Variants in SPSB1 observed in about 807,000 individuals in gnomAD.
SPSB1 encodes splA/ryanodine receptor domain and SOCS box containing 1.
SPSB1 carries 8 observed loss-of-function variants against 21.2 expected under a neutral mutation model. The observed-to-expected ratio is 0.38, with a 90% confidence interval of 0.22 to 0.68. The LOEUF (loss-of-function observed/expected upper bound fraction) is 0.68, where lower values mean the gene tolerates loss of function less well. Among genes scored for constraint, SPSB1 ranks in the 30% least tolerant of loss-of-function variants. The probability of loss-of-function intolerance (pLI) is 0.53; values close to 1 mark genes in which losing one functional copy is unlikely to be tolerated. For missense variants in SPSB1, 242 were observed against 377.8 expected (o/e 0.64, Z 2.98); for synonymous variants, 169 against 161.7 (o/e 1.05, Z -0.34).
chr1:9,356,846 ATTGG>A lies in SPSB1; in HGVS notation c.694+266_694+269del, dbSNP rs755616113. Among the ~76,000 whole-genome samples the A allele has an allele frequency of 7.2e-5, 11 of 152,088 alleles. No individual in the cohort carries two copies. In the East Asian group the frequency reaches 1.5e-3, roughly 21 times the overall value. Reference sequence around the variant, plus strand: ...TGATGAATGAATAGATGGATGAATGATTGGTTGGATGGATGGATGATGAATAGAT... The same window carrying A: ...TGATGAATGAATAGATGGATGAATGATTGGATGGATGGATGATGAATAGAT... On this transcript the variant is annotated intron_variant, in intron 2 of 2. Coordinates refer to ENST00000328089, the MANE Select transcript of SPSB1 (RefSeq NM_025106.4). This position sits in a 1 kb window ranked among gnomAD's most constrained non-coding sequence, Gnocchi z 7.4.
chr1:9,295,358 C>A (rs1183676619), intron 1 of SPSB1, among the ~76,000 whole-genome samples: 1 of 152,184 alleles, frequency 6.6e-6, no homozygotes, highest in East Asian at 1.9e-4. Context: ...AGCATGTTGG[C>A]CCCAGTGGCT....
intron 1 of SPSB1, among the ~76,000 whole-genome samples, chr1:9,334,682 C>T (rs1639976712): frequency 6.6e-6 from 1 of 152,128 alleles, no homozygotes; most frequent in Non-Finnish European, 1.5e-5. Context: ...CTCCCCGGAG[C>T]TCCTGGCACT....
chr1:9,300,985 G>A (rs899340654), intron 1 of SPSB1, among the ~76,000 whole-genome samples: 7 of 152,254 alleles, frequency 4.6e-5, no homozygotes, highest in African/African-American at 1.7e-4. Context: ...CAGCACTATA[G>A]CCCCTTGCTG....
chr1:9,319,748 G>A (rs1341541537), intron 1 of SPSB1, among the ~76,000 whole-genome samples: 1 of 152,216 alleles, frequency 6.6e-6, no homozygotes, highest in African/African-American at 2.4e-5. Flanking sequence ...TGAAGGGAGG[G>A]TACTACAGGG....
At chr1:9,365,442 G>A (rs1429932776) in intron 2 of SPSB1, among the ~76,000 whole-genome samples, 1 of 152,124 alleles carries the variant, frequency 6.6e-6, no homozygotes, top group African/African-American at 2.4e-5. Flanking sequence ...TAAAGCTTGG[G>A]GTTTAGTAAA....
intron 1 of SPSB1, among the ~76,000 whole-genome samples, chr1:9,334,147 G>T (rs558215673): frequency 1.5e-4 from 23 of 152,236 alleles, no homozygotes; most frequent in African/African-American, 5.3e-4. Context: ...GTGCGGTGGT[G>T]CGATCTCGGC....
chr1:9,309,257 C>T (rs192130846), intron 1 of SPSB1, among the ~76,000 whole-genome samples: 15 of 149,562 alleles, frequency 1.0e-4, no homozygotes, highest in African/African-American at 3.8e-4. Flanking sequence ...GTGTGCTCCC[C>T]TGCGGAGAGA....
chr1:9,306,804 G>A (rs561125816), intron 1 of SPSB1, among the ~76,000 whole-genome samples: 1 of 152,320 alleles, frequency 6.6e-6, no homozygotes, highest in South Asian at 2.1e-4. Context: ...AGGTAATGGG[G>A]ATTGGTGTCT....
rs901515119 is a variant in SPSB1 at position 9,324,481 on chromosome 1, C to T, written c.-149-31262C>T. Among the ~76,000 whole-genome samples, 1 of 146,946 alleles carries T rather than the reference C, an allele frequency of 6.8e-6. No individual in the cohort carries two copies. Among genetic ancestry groups the T allele is most frequent in the African/African-American group, 2.5e-5 (1 of 40,464 alleles). The stretch of plus-strand genomic sequence containing the variant: ...CTCCATGGTGTCTCTCTGTGCCCAG[C>T]CTCTGGAGGGTCGGCTCGGAGGGCT... On this transcript the variant is annotated intron_variant, in intron 1 of 2. Coordinates refer to ENST00000328089, the MANE Select transcript of SPSB1 (RefSeq NM_025106.4). This position sits in a 1 kb window ranked among gnomAD's most constrained non-coding sequence, Gnocchi z 4.3.
At chr1:9,333,583 G>A (rs1288544914) in intron 1 of SPSB1, among the ~76,000 whole-genome samples, 2 of 151,974 alleles carry the variant, frequency 1.3e-5, no homozygotes, top group African/African-American at 4.8e-5. Flanking sequence ...CGCCCACCTC[G>A]GCCTCCCAAA....
chr1:9,349,846 T>C (rs1396567462), intron 1 of SPSB1, among the ~76,000 whole-genome samples: 2 of 152,152 alleles, frequency 1.3e-5, no homozygotes, highest in Admixed American at 6.5e-5. Context: ...AAAATGTTGC[T>C]AGGAGTTCCC....
intron 1 of SPSB1, among the ~76,000 whole-genome samples, chr1:9,328,658 G>A (rs548630925): frequency 6.6e-6 from 1 of 152,372 alleles, no homozygotes; most frequent in African/African-American, 2.4e-5. Flanking sequence ...TGGCCTGGGA[G>A]AGCCATGGAG....
In SPSB1 at chr1:9,294,272, GTC is replaced by G. The variant is rs760185301; in HGVS notation, c.-150+1203_-150+1204del. Among the ~76,000 whole-genome samples, 82 of 151,632 alleles carry G rather than the reference GTC, an allele frequency of 5.4e-4. 1 individual carries two copies. The highest frequency in any genetic ancestry group is 2.1e-3 in the East Asian group (11 of 5,170). On this transcript the variant is annotated intron_variant, in intron 1 of 2. Transcript: ENST00000328089. The stretch of plus-strand genomic sequence containing the variant: ...TTTGTGTGTCCACACGTGTCTCTGT[GTC>G]TGTCTCTGTGTCTGTGTCTCTGAGT...
At chr1:9,297,145 C>A (rs1639237870) in intron 1 of SPSB1, among the ~76,000 whole-genome samples, 1 of 152,166 alleles carries the variant, frequency 6.6e-6, no homozygotes, top group African/African-American at 2.4e-5. Context: ...GGTTTGTCAA[C>A]AAGCTCTGAA....
intron 1 of SPSB1, among the ~76,000 whole-genome samples, chr1:9,295,090 T>A (rs1432385808): frequency 6.6e-6 from 1 of 152,144 alleles, no homozygotes; most frequent in Non-Finnish European, 1.5e-5. Context: ...ACTTCGTGTC[T>A]CCCCAGCTGT....
intron 2 of SPSB1, among the ~76,000 whole-genome samples, chr1:9,359,851 G>GGC (rs1553128817): frequency 4.0e-5 from 6 of 151,290 alleles, no homozygotes; most frequent in African/African-American, 1.5e-4. Flanking sequence ...GGAAGCCGGG[G>GGC]GGGTGGGTGG....
rs372422051 is a variant in SPSB1 at position 9,355,734 on chromosome 1, G to A, written c.-149-9G>A. On this transcript the variant is annotated splice_polypyrimidine_tract_variant and intron_variant, in intron 1 of 2. Coordinates refer to ENST00000328089, the MANE Select transcript of SPSB1 (RefSeq NM_025106.4). ...CTGCTCACCGGTTGTTTGTCTTTCC[G>A]TCCATTAGGCAATACTGAACACTGC... The A allele has an allele frequency of 1.3e-4, 183 of 1,366,964 alleles. No homozygotes were observed. The highest frequency in any genetic ancestry group is 1.2e-3 in the South Asian group (52 of 42,746). 84.7% of individuals were successfully genotyped at this position (1,366,964 alleles called of 1,614,324 possible). A position where few individuals can be genotyped will look rare whatever the true frequency, so the allele number is the denominator to read the frequency against.
intron 1 of SPSB1, among the ~76,000 whole-genome samples, chr1:9,299,468 ATCTCTCTC>A (rs113928555): frequency 6.7e-6 from 1 of 150,274 alleles, no homozygotes; most frequent in South Asian, 2.1e-4. Context: ...GTGAGACGTC[ATCTCTCTC>A]TCTCTCTCTC....
At position 9,346,272 on chromosome 1, in the gene SPSB1, A is replaced by T. The variant is rs116333290; in HGVS notation, c.-149-9471A>T. Among the ~76,000 whole-genome samples, 344 of 152,310 alleles carry T rather than the reference A, an allele frequency of 2.3e-3. 1 individual carries two copies. Among genetic ancestry groups the T allele is most frequent in the African/African-American group, 7.8e-3 (323 of 41,562 alleles). ...ATAGGTCACCTTGTTCCACATCCTG[A>T]ATTTCATTCTTTCCCCATCTTGGGG... On this transcript the variant is annotated intron_variant, in intron 1 of 2. Coordinates refer to ENST00000328089, the MANE Select transcript of SPSB1 (RefSeq NM_025106.4). The surrounding 1 kb of genome is among the most constrained non-coding windows in gnomAD (Gnocchi z 4.4).
Sources: allele counts gnomAD v4.1 joint callset (sites outside exome capture counted in the v4.1 genomes callset), GRCh38; gene constraint gnomAD v4.1.1; non-coding constraint Gnocchi (gnomAD v3.1); transcripts MANE v1.5; gene names NCBI Gene and HGNC (gene_info 2026-07-23, HGNC 2026-07-21).